The following RFTN2 variants were observed in gnomAD, a reference collection of about 807,000 sequenced individuals.
The protein encoded by RFTN2 is raftlin-2.
A neutral mutation model predicts 52.7 loss-of-function variants in RFTN2; 34 were observed. The ratio of observed to expected loss-of-function variants is 0.64; its 90% CI spans 0.49 to 0.86. The LOEUF (loss-of-function observed/expected upper bound fraction) is 0.86, where lower values mean the gene tolerates loss of function less well. Ranked by LOEUF, RFTN2 falls within the 40% of genes least tolerant of loss-of-function variation. The probability of loss-of-function intolerance (pLI) is 0.00; values close to 1 mark genes in which losing one functional copy is unlikely to be tolerated. For synonymous variants in RFTN2, 203 were observed against 217.7 expected (o/e 0.93, Z 0.59); for missense variants, 536 against 600.1 (o/e 0.89, Z 1.12).
In RFTN2 at chr2:197,578,697, G is replaced by A. The variant is rs558559094; in HGVS notation, c.1234-6417C>T. Among the ~76,000 whole-genome samples the A allele has an allele frequency of 1.0e-3, 152 of 152,156 alleles. 1 individual carries two copies. The highest frequency in any genetic ancestry group is 2.3e-3 in the South Asian group (11 of 4,806). ...CTGACTCTCTTTTTGGACTCAGCCC[G>A]CCTGCACCCAGGTGATTAAAAAGCT... On this transcript the variant is annotated intron_variant, in intron 8 of 8. Coordinates refer to ENST00000295049, the MANE Select transcript of RFTN2 (RefSeq NM_144629.3).
intron 3 of RFTN2, among the ~76,000 whole-genome samples, chr2:197,634,632 G>A (rs1311255497): frequency 2.0e-5 from 3 of 151,824 alleles, no homozygotes; most frequent in African/African-American, 7.2e-5. Flanking sequence ...ATAGGATTCT[G>A]AAGCACATGA....
Position 197,630,994 on chromosome 2 carries a change from A to G in RFTN2, c.928+17T>C, listed in dbSNP as rs76914158. On this transcript the variant is annotated intron_variant, in intron 5 of 8. Transcript: ENST00000295049. ...TCAAATTCCTCAGATATAAAATATC[A>G]TTAACATAAAACTTACCTTTAGATG... 1.3e-6 allele frequency: 2 copies of G among 1,498,652 alleles called. No individual in the cohort carries two copies. The highest frequency in any genetic ancestry group is 1.9e-6 in the Non-Finnish European group (2 of 1,079,466). The allele number at this position is 1,498,652 out of a possible 1,614,324, so 92.8% of individuals were successfully genotyped here. A position where few individuals can be genotyped will look rare whatever the true frequency, so the allele number is the denominator to read the frequency against.
intron 5 of RFTN2, among the ~76,000 whole-genome samples, chr2:197,625,291 C>T (rs1312176263): frequency 6.6e-6 from 1 of 152,146 alleles, no homozygotes; most frequent in East Asian, 1.9e-4. Context: ...GGTACTTGAA[C>T]CCTGGTTTGA....
At chr2:197,656,537 G>A (rs1036577338) in intron 1 of RFTN2, among the ~76,000 whole-genome samples, 13 of 152,144 alleles carry the variant, frequency 8.5e-5, no homozygotes, top group Admixed American at 5.2e-4. Flanking sequence ...AATAGACATC[G>A]GTGATTTGCC....
rs2087888405 is a variant in RFTN2, at chr2:197,602,011, A to C, written c.1155-5942T>G. Among the ~76,000 whole-genome samples, 5 of 152,224 alleles carry C rather than the reference A, an allele frequency of 3.3e-5. No individual in the cohort carries two copies. In the South Asian group the frequency reaches 1.0e-3, roughly 31 times the overall value. Reference sequence around the variant, plus strand: ...GTACTAGTTGTAAAAACAAACAAGCAACAAAAATGAAACTAAAAAAAAGTT... The same window carrying C: ...GTACTAGTTGTAAAAACAAACAAGCCACAAAAATGAAACTAAAAAAAAGTT... On this transcript the variant is annotated intron_variant, in intron 7 of 8. Transcript: ENST00000295049.
chr2:197,607,163 A>G (rs1293443268), intron 7 of RFTN2, among the ~76,000 whole-genome samples: 10 of 152,214 alleles, frequency 6.6e-5, no homozygotes, highest in Non-Finnish European at 1.3e-4. Flanking sequence ...AAAAATGATG[A>G]GTTCATGTTC....
Position 197,595,618 on chromosome 2 carries a change from A to C in RFTN2, c.1233+373T>G, listed in dbSNP as rs189669153. ...TAAGGTTTGTTTTTGCAGACTCTTCAGTGTGAATTGTCTCTGGTGATTAGA... is the reference window on the plus strand; with the variant it reads ...TAAGGTTTGTTTTTGCAGACTCTTCCGTGTGAATTGTCTCTGGTGATTAGA... On this transcript the variant is annotated intron_variant, in intron 8 of 8. Coordinates refer to ENST00000295049, the MANE Select transcript of RFTN2 (RefSeq NM_144629.3). 5.0e-4 allele frequency among the ~76,000 whole-genome samples: 76 copies of C among 152,340 alleles called. 2 individuals carry two copies. In the South Asian group the frequency reaches 8.1e-3, roughly 16 times the overall value.
Position 197,643,718 on chromosome 2 carries a change from TAA to T in RFTN2, c.438+438_438+439del, listed in dbSNP as rs375151599. ...TTAAGCTTAGTTTTCCTAGTACAGTTAAGTTATATTTATATACTCAAACTCCT... is the reference window on the plus strand; with the variant it reads ...TTAAGCTTAGTTTTCCTAGTACAGTTGTTATATTTATATACTCAAACTCCT... On this transcript the variant is annotated intron_variant, in intron 3 of 8. Transcript: ENST00000295049. Among the ~76,000 whole-genome samples the T allele has an allele frequency of 5.3e-4, 80 of 152,316 alleles. No homozygotes were observed. In the East Asian group the frequency reaches 0.013, roughly 24 times the overall value.
At chr2:197,640,016 G>A (rs924111050) in intron 3 of RFTN2, among the ~76,000 whole-genome samples, 2 of 152,224 alleles carry the variant, frequency 1.3e-5, no homozygotes, top group Admixed American at 1.3e-4. Context: ...ATGTCAGTGT[G>A]CCCCTGCTGG....
intron 7 of RFTN2, among the ~76,000 whole-genome samples, chr2:197,603,712 C>T (rs374205368): frequency 6.6e-6 from 1 of 152,032 alleles, no homozygotes; most frequent in South Asian, 2.1e-4. Context: ...GTCAGGAGTT[C>T]GAGACCAGCC....
chr2:197,630,375 CTTT>C (rs1175476384), intron 5 of RFTN2, among the ~76,000 whole-genome samples: 1 of 151,904 alleles, frequency 6.6e-6, no homozygotes, highest in Admixed American at 6.6e-5. Context: ...TTTCCTTTTT[CTTT>C]TTTTAACCCT....
chr2:197,641,791 G>T (rs1261140570), intron 3 of RFTN2, among the ~76,000 whole-genome samples: 5 of 152,226 alleles, frequency 3.3e-5, no homozygotes, highest in African/African-American at 9.6e-5. Flanking sequence ...TTCATCTATG[G>T]CTCTTGTTCA....
intron 2 of RFTN2, 62 bp from the exon 3 acceptor site, chr2:197,644,334 C>A: frequency 1.1e-6 from 1 of 893,670 alleles, no homozygotes; most frequent in Non-Finnish European, 1.9e-6. Context: ...CTAATATGCT[C>A]ATGTGAAAAT....
chr2:197,615,285 C>G (rs1278772953), intron 7 of RFTN2, among the ~76,000 whole-genome samples: 1 of 152,212 alleles, frequency 6.6e-6, no homozygotes, highest in Non-Finnish European at 1.5e-5. Context: ...CCTGCCCAGG[C>G]AGGACAGCCT....
intron 1 of RFTN2, among the ~76,000 whole-genome samples, chr2:197,661,259 C>G (rs1358207481): frequency 1.3e-5 from 2 of 151,514 alleles, no homozygotes; most frequent in Non-Finnish European, 2.9e-5. Flanking sequence ...AGACAAGACT[C>G]CAGCTCTGTT....
chr2:197,596,191 A>C, intron 7 of RFTN2, 122 bp from the exon 8 acceptor site: 1 of 488,964 alleles, frequency 2.0e-6, no homozygotes, highest in Non-Finnish European at 3.5e-6. Flanking sequence ...TAATTATAAA[A>C]TATAAATCTT....
intron 5 of RFTN2, among the ~76,000 whole-genome samples, chr2:197,619,315 G>C: frequency 6.6e-6 from 1 of 152,072 alleles, no homozygotes. Flanking sequence ...GGAAAGGTGG[G>C]GAAAAGATTG....
intron 7 of RFTN2, among the ~76,000 whole-genome samples, chr2:197,596,958 G>C (rs1196164580): frequency 6.6e-6 from 1 of 152,138 alleles, no homozygotes; most frequent in East Asian, 1.9e-4. Context: ...AGTCTCCATG[G>C]ATTTATGGGG....
In RFTN2 at chr2:197,590,968, C is replaced by A. The variant is rs1317840795; in HGVS notation, c.1233+5023G>T. On this transcript the variant is annotated intron_variant, in intron 8 of 8. Coordinates refer to ENST00000295049, the MANE Select transcript of RFTN2 (RefSeq NM_144629.3). ...GAGCCCAGCAGGTTGCCACTGCTGGCTGAGGCAGCCTGCTTTTATTCTCTT... is the reference window on the plus strand; with the variant it reads ...GAGCCCAGCAGGTTGCCACTGCTGGATGAGGCAGCCTGCTTTTATTCTCTT... Among the ~76,000 whole-genome samples the A allele has an allele frequency of 2.0e-5, 3 of 152,206 alleles. No homozygotes were observed. In the East Asian group the frequency reaches 5.8e-4, roughly 29 times the overall value.
Sources: gnomAD v4.1 joint callset for allele counts (sites outside exome capture counted in the v4.1 genomes callset) on GRCh38, gnomAD v4.1.1 for gene constraint, MANE v1.5 for transcripts, NCBI Gene and HGNC (gene_info 2026-07-23, HGNC 2026-07-21) for gene names.